Variants in C2CD2L observed in about 807,000 individuals in gnomAD.
C2CD2L encodes the protein C2CD2 like, also known as phospholipid transfer protein C2CD2L.
Under a neutral mutation model 69.9 loss-of-function variants are expected in C2CD2L, and 24 were observed. That is an observed-to-expected ratio of 0.34 (90% CI 0.25 to 0.48). The LOEUF (loss-of-function observed/expected upper bound fraction) is 0.48, where lower values mean the gene tolerates loss of function less well. C2CD2L is among the 20% of genes least tolerant of loss of function. The pLI, the probability that C2CD2L is intolerant of heterozygous loss-of-function variation, is 0.99. For missense variants in C2CD2L, 811 were observed against 941.5 expected (o/e 0.86, Z 1.81); for synonymous variants, 367 against 391.0 (o/e 0.94, Z 0.72).
Position 119,110,251 on chromosome 11 carries a change from C to A in C2CD2L, c.450+52C>A. The A allele has an allele frequency of 7.6e-7, 1 of 1,316,514 alleles. No homozygotes were observed. Among genetic ancestry groups the A allele is most frequent in the South Asian group, 1.2e-5 (1 of 84,732 alleles). The allele number at this position is 1,316,514 out of a possible 1,614,324, so 81.6% of individuals were successfully genotyped here. ...TTTGGGGTCCAAGAAGGACTGACCC[C>A]AAGGGCTCCCTTTAGTCCAGAGGTT... is the stretch of plus-strand genomic sequence containing the variant. On this transcript the variant is annotated intron_variant, in intron 2 of 13. Transcript: ENST00000648610. This position sits in a 1 kb window ranked among gnomAD's most constrained non-coding sequence, Gnocchi z 5.7.
At chr11:119,115,827 G>A in intron 13 of C2CD2L, 1 of 595,198 alleles carries the variant, frequency 1.7e-6, no homozygotes, top group Non-Finnish European at 3.0e-6. Flanking sequence ...GAAGGATAAA[G>A]CACATGTTTG....
intron 9 of C2CD2L, 44 bp from the exon 10 acceptor site, chr11:119,112,656 C>T: frequency 6.2e-7 from 1 of 1,607,844 alleles, no homozygotes; most frequent in Non-Finnish European, 8.5e-7. Flanking sequence ...AGGGGATGGG[C>T]AGTCTCCGAG....
Position 119,107,653 on chromosome 11 carries a change from C to A in C2CD2L, c.-89C>A, listed in dbSNP as rs577666285. Reference sequence around the variant, plus strand: ...CCGCGCGCCCAGCCCCGGGGGAGCCCACCTCCTCCCCGCGGCCCGCCCGGG... The same window carrying A: ...CCGCGCGCCCAGCCCCGGGGGAGCCAACCTCCTCCCCGCGGCCCGCCCGGG... On this transcript the variant is annotated 5_prime_UTR_variant, in exon 1 of 14. Transcript: ENST00000648610. This position sits in a 1 kb window ranked among gnomAD's most constrained non-coding sequence, Gnocchi z 5.4. 1.3e-5 allele frequency: 10 copies of A among 783,794 alleles called. No homozygotes were observed. The East Asian group carries it at 2.4e-4, about 19-fold the overall frequency. 48.6% of individuals were successfully genotyped at this position (783,794 alleles called of 1,614,324 possible). A position where few individuals can be genotyped will look rare whatever the true frequency, so the allele number is the denominator to read the frequency against.
rs368029666 is a variant in C2CD2L at position 119,111,674 on chromosome 11, G to T, written c.1019+45G>T. On this transcript the variant is annotated intron_variant, in intron 7 of 13. Transcript: ENST00000648610. ...CGACCCCATGCTCCAGAGCAGAGAGGATCAAACCTTTCCAGCACAGTCCTT... is the reference window on the plus strand; with the variant it reads ...CGACCCCATGCTCCAGAGCAGAGAGTATCAAACCTTTCCAGCACAGTCCTT... 74 of 1,347,520 alleles carry T rather than the reference G, an allele frequency of 5.5e-5. No homozygotes were observed. The Middle Eastern group carries it at 1.1e-3, about 20-fold the overall frequency. 83.5% of individuals were successfully genotyped at this position (1,347,520 alleles called of 1,614,324 possible). A position where few individuals can be genotyped will look rare whatever the true frequency, so the allele number is the denominator to read the frequency against.
intron 7 of C2CD2L, chr11:119,112,099 G>A (rs1946758398): frequency 3.7e-6 from 2 of 546,696 alleles, no homozygotes; most frequent in Non-Finnish European, 6.5e-6. Flanking sequence ...GACAGGAAGA[G>A]CAGGACCAGG....
chr11:119,110,539 T>TGACCCACCTCGCC lies in C2CD2L; in HGVS notation c.451-20_451-8dup. On this transcript the variant is annotated intron_variant, in intron 2 of 13. Transcript: ENST00000648610. The surrounding 1 kb of genome is among the most constrained non-coding windows in gnomAD (Gnocchi z 5.7). Reference sequence around the variant, plus strand: ...AGGGTGAGCACCCTTCCCCCACATCTGACCCACCTCGCCGGTCTCAGGTGC... The same window carrying TGACCCACCTCGCC: ...AGGGTGAGCACCCTTCCCCCACATCTGACCCACCTCGCCGACCCACCTCGCCGGTCTCAGGTGC... 6.2e-7 allele frequency: 1 copy of TGACCCACCTCGCC among 1,601,866 alleles called. No homozygotes were observed. Among genetic ancestry groups the TGACCCACCTCGCC allele is most frequent in the South Asian group, 1.1e-5 (1 of 90,082 alleles).
In C2CD2L at chr11:119,114,446, C is replaced by T; in HGVS notation, c.1909+81C>T. On this transcript the variant is annotated intron_variant, in intron 13 of 13. Transcript: ENST00000648610. The surrounding 1 kb of genome is among the most constrained non-coding windows in gnomAD (Gnocchi z 5.1). ...CCTGGGGGACCTCGAGCCAGTGTGC[C>T]TTCTCCTTCCTCCCCTAAGAGATAG... 2.2e-6 allele frequency: 3 copies of T among 1,355,572 alleles called. No homozygotes were observed. The highest frequency in any genetic ancestry group is 3.1e-6 in the Non-Finnish European group (3 of 971,160). The allele number at this position is 1,355,572 out of a possible 1,614,324, so 84.0% of individuals were successfully genotyped here.
chr11:119,103,229 G>T (rs1350172709), upstream of C2CD2L, among the ~76,000 whole-genome samples: 5 of 152,090 alleles, frequency 3.3e-5, no homozygotes, highest in Admixed American at 2.6e-4. Context: ...TTCCCCGACA[G>T]GCTCTTAGGC....
chr11:119,106,459 T>C (rs1012328497), upstream of C2CD2L, among the ~76,000 whole-genome samples: 6 of 152,204 alleles, frequency 3.9e-5, no homozygotes, highest in Non-Finnish European at 8.8e-5. Flanking sequence ...CAAGCATTGA[T>C]GAGCCCCAGT....
upstream of C2CD2L, among the ~76,000 whole-genome samples, chr11:119,103,993 AT>A (rs1946549587): frequency 6.6e-6 from 1 of 152,210 alleles, no homozygotes; most frequent in South Asian, 2.1e-4. Flanking sequence ...CAAGGAAGGC[AT>A]CATCACACAT....
chr11:119,112,620 G>A lies in C2CD2L; in HGVS notation c.1212+11G>A, dbSNP rs1009603575. 1.2e-6 allele frequency: 2 copies of A among 1,606,970 alleles called. No individual in the cohort carries two copies. Among genetic ancestry groups the A allele is most frequent in the African/African-American group, 1.3e-5 (1 of 74,544 alleles). Reference sequence around the variant, plus strand: ...ACCATGGCAGTGGAGGTGAGAAGCTGACCCCTGGGGTAGGTGGGAGGACAC... The same window carrying A: ...ACCATGGCAGTGGAGGTGAGAAGCTAACCCCTGGGGTAGGTGGGAGGACAC... On this transcript the variant is annotated intron_variant, in intron 9 of 13. Transcript: ENST00000648610.
At position 119,109,433 on chromosome 11, in the gene C2CD2L, G is replaced by A. The variant is rs891825092; in HGVS notation, c.355-671G>A. 3.9e-5 allele frequency among the ~76,000 whole-genome samples: 6 copies of A among 152,162 alleles called. No homozygotes were observed. The highest frequency in any genetic ancestry group is 3.8e-4 in the East Asian group (2 of 5,202). ...AAGCAGCTTTCTGCTCTCTAATACC[G>A]TCCTGCTATCTGCCTTGAGGAATTA... On this transcript the variant is annotated intron_variant, in intron 1 of 13. Transcript: ENST00000648610. This position sits in a 1 kb window ranked among gnomAD's most constrained non-coding sequence, Gnocchi z 5.1.
rs1288958251 is a variant in C2CD2L at position 119,114,355 on chromosome 11, G to A, written c.1899G>A (p.Lys633=). 6.2e-7 allele frequency: 1 copy of A among 1,614,090 alleles called. No individual in the cohort carries two copies. The highest frequency in any genetic ancestry group is 1.7e-5 in the Admixed American group (1 of 60,036). Residue 633 remains lysine, a synonymous_variant, in exon 13 of 14, where the codon AAG becomes AAA. Coordinates refer to ENST00000648610, the MANE Select transcript of C2CD2L (RefSeq NM_001290474.2). This position sits in a 1 kb window ranked among gnomAD's most constrained non-coding sequence, Gnocchi z 5.1. ...GTGCCCTGGAGACCCGCAGCCTCAA[G>A]GATCACAAAGGTAGGGGGACGTTGG... ...STGALETRSL[K]DHKVSFLRSG...
In C2CD2L at chr11:119,110,290, C is replaced by T; in HGVS notation, c.450+91C>T. 1.0e-6 allele frequency: 1 copy of T among 960,640 alleles called. No individual in the cohort carries two copies. The highest frequency in any genetic ancestry group is 2.5e-5 in the East Asian group (1 of 40,486). 59.5% of individuals were successfully genotyped at this position (960,640 alleles called of 1,614,324 possible). A position where few individuals can be genotyped will look rare whatever the true frequency, so the allele number is the denominator to read the frequency against. ...AGTCCAGAGGTTCTTAACCTGGAGT[C>T]TGTGAATGCCTTATGGATCTAAGGA... On this transcript the variant is annotated intron_variant, in intron 2 of 13. Coordinates refer to ENST00000648610, the MANE Select transcript of C2CD2L (RefSeq NM_001290474.2). This position sits in a 1 kb window ranked among gnomAD's most constrained non-coding sequence, Gnocchi z 5.7.
intron 10 of C2CD2L, chr11:119,113,227 C>G (rs1301744889): frequency 2.5e-6 from 1 of 400,388 alleles, no homozygotes; most frequent in Non-Finnish European, 4.5e-6. Flanking sequence ...CCTCCAGCAC[C>G]CCCTGGGGTC....
At chr11:119,102,860 C>CTTTTTTT (rs141575057), upstream of C2CD2L, among the ~76,000 whole-genome samples, 6 of 43,456 alleles carry the variant, frequency 1.4e-4, 1 homozygote, top group East Asian at 3.6e-3. Flanking sequence ...AATTCACCAG[C>CTTTTTTT]TTTTTTTTTT....
rs752031053 is a variant in C2CD2L, at chr11:119,112,484, G to A, written c.1087G>A (p.Glu363Lys). ...CACAGTGCCATCCCTTTCCCCAGCC[G>A]AACTCCTAGGCCAGGCCACACTGCC... ...VLRSSSCGDTELLGQATLPVG... is the reference protein window; with the variant it reads ...VLRSSSCGDTKLLGQATLPVG... Residue 363 changes from glutamate (E) to lysine (K), a missense_variant and splice_region_variant, in exon 9 of 14, where the codon GAA (glutamate) becomes AAA (lysine). Transcript: ENST00000648610. 37 of 1,613,662 alleles carry A rather than the reference G, an allele frequency of 2.3e-5. No individual in the cohort carries two copies. The highest frequency in any genetic ancestry group is 1.2e-4 in the African/African-American group (9 of 74,862).
At position 119,114,497 on chromosome 11, in the gene C2CD2L, A is replaced by G. The variant is rs182947334; in HGVS notation, c.1909+132A>G. ...CCGGATTCCCAGCCTAGTTCAGCCA[A>G]GCTAGCCTAGAGGGGGATCTTGGTG... On this transcript the variant is annotated intron_variant, in intron 13 of 13. Transcript: ENST00000648610. This position sits in a 1 kb window ranked among gnomAD's most constrained non-coding sequence, Gnocchi z 5.1. 8.3e-5 allele frequency: 74 copies of G among 890,238 alleles called. No individual in the cohort carries two copies. In the African/African-American group the frequency reaches 1.1e-3, roughly 13 times the overall value. The allele number at this position is 890,238 out of a possible 1,614,324, so 55.1% of individuals were successfully genotyped here. A position where few individuals can be genotyped will look rare whatever the true frequency, so the allele number is the denominator to read the frequency against.
chr11:119,112,339 C>T lies in C2CD2L; in HGVS notation c.1031C>T (p.Pro344Leu). The T allele has an allele frequency of 6.2e-7, 1 of 1,612,710 alleles. No homozygotes were observed. Among genetic ancestry groups the T allele is most frequent in the Non-Finnish European group, 8.5e-7 (1 of 1,179,766 alleles). The change falls in exon 8 of 14, where the codon CCC becomes CTC. Residue 344 changes from proline to leucine, a missense_variant. Pro to Leu is a moderately conservative substitution (Grantham distance 98). Transcript: ENST00000648610. ...WTEDLALDLG[P>L]QSRELTLKVL... is the part of the protein sequence containing the mutation. ...CTCTTGTCCCACAGGGATCTGGGCC[C>T]CCAGAGCCGGGAGCTGACCCTCAAA...
Sources: gnomAD v4.1 joint callset for allele counts (sites outside exome capture counted in the v4.1 genomes callset) on GRCh38, gnomAD v4.1.1 for gene constraint, Gnocchi (gnomAD v3.1) non-coding constraint, MANE v1.5 for transcripts, NCBI Gene and HGNC (gene_info 2026-07-23, HGNC 2026-07-21) for gene names.